CYFIP1: variants seen among roughly 807,000 people sequenced by gnomAD.
CYFIP1 encodes the protein cytoplasmic FMR1-interacting protein 1.
In CYFIP1, 58 loss-of-function variants were observed where a neutral mutation model predicts 163.5. That is an observed-to-expected ratio of 0.35 (90% confidence interval 0.29 to 0.44). The LOEUF is 0.44. Ranked by LOEUF, CYFIP1 falls within the 20% of genes least tolerant of loss-of-function variation. The pLI is 1.00. For synonymous variants in CYFIP1, 663 were observed against 660.7 expected (o/e 1.00, Z -0.05); for missense variants, 1,338 against 1,653.8 (o/e 0.81, Z 3.31).
chr15:22,889,824 TCA>T (rs1342734237), intron 23 of CYFIP1, among the ~76,000 whole-genome samples: 1 of 152,188 alleles, frequency 6.6e-6, no homozygotes, highest in Non-Finnish European at 1.5e-5. Flanking sequence ...ATCTTTTAGT[TCA>T]CAGAGACCCA....
At chr15:22,926,450 T>C (rs1224585509) in intron 12 of CYFIP1, among the ~76,000 whole-genome samples, 1 of 152,102 alleles carries the variant, frequency 6.6e-6, no homozygotes, top group Non-Finnish European at 1.5e-5. Flanking sequence ...GGCAGGAGGA[T>C]CACTTGAGCC....
At chr15:22,881,983 T>C in intron 24 of CYFIP1, 47 bp from the exon 25 acceptor site, 1 of 1,545,598 alleles carries the variant, frequency 6.5e-7, no homozygotes, top group Non-Finnish European at 8.9e-7. Context: ...CACTCCGCTC[T>C]GCTAACGCCT....
rs561047042 is a variant in CYFIP1, at chr15:22,908,837, C to T, written c.2388+357G>A. On this transcript the variant is annotated intron_variant, in intron 21 of 30. Transcript: ENST00000617928. ...AGCCACCGTGCCAGCCAAAGTTAAA[C>T]ATTTTTATCTCCTAGCTCGTTCATA... 2.0e-5 allele frequency among the ~76,000 whole-genome samples: 3 copies of T among 152,260 alleles called. No homozygotes were observed. In the East Asian group the frequency reaches 5.8e-4, roughly 29 times the overall value.
Position 22,870,212 on chromosome 15 carries a change from G to C in CYFIP1, c.3598-20C>G, listed in dbSNP as rs770354558. Reference sequence around the variant, plus strand: ...CAAAGGCTACAACCATCAAAGTGAGGATGTTTTACTATTAACACTTCAACA... The same window carrying C: ...CAAAGGCTACAACCATCAAAGTGAGCATGTTTTACTATTAACACTTCAACA... On this transcript the variant is annotated intron_variant, in intron 30 of 30. Coordinates refer to ENST00000617928, the MANE Select transcript of CYFIP1 (RefSeq NM_014608.6). 6.3e-7 allele frequency: 1 copy of C among 1,594,738 alleles called. No homozygotes were observed. Among genetic ancestry groups the C allele is most frequent in the Non-Finnish European group, 8.5e-7 (1 of 1,172,952 alleles).
chr15:22,974,978 C>T (rs2063217029), intron 1 of CYFIP1, among the ~76,000 whole-genome samples: 1 of 151,918 alleles, frequency 6.6e-6, no homozygotes, highest in African/African-American at 2.4e-5. Flanking sequence ...CTTCCTCCTC[C>T]TTGGCCTGCT....
At chr15:22,979,618 C>T (rs1321775381) in intron 1 of CYFIP1, among the ~76,000 whole-genome samples, 2 of 152,140 alleles carry the variant, frequency 1.3e-5, no homozygotes, top group Non-Finnish European at 2.9e-5. Context: ...ATTCTTGCAC[C>T]CTTCTTGTCA....
At position 22,872,837 on chromosome 15, in the gene CYFIP1, A is replaced by C. The variant is rs761454317; in HGVS notation, c.3585T>G (p.Ile1195Met). 8.1e-6 allele frequency: 13 copies of C among 1,614,100 alleles called. No homozygotes were observed. Among genetic ancestry groups the C allele is most frequent in the Non-Finnish European group, 1.0e-5 (12 of 1,179,950 alleles). Residue 1195 changes from isoleucine to methionine, a missense_variant, in exon 30 of 31, where the codon ATT (isoleucine) becomes ATG (methionine). By Grantham distance (10) the Ile-to-Met change is conservative (BLOSUM62 1). Around this residue, in one of 4 missense-constraint regions of CYFIP1, gnomAD observed 306 missense variants for 322.1 expected, o/e 0.95. Transcript: ENST00000617928. Reference sequence around the variant, plus strand: ...TTCATCCACATACCACATTTTTAATAATCTCATCTTTGCCATCATGTTTCT... The same window carrying C: ...TTCATCCACATACCACATTTTTAATCATCTCATCTTTGCCATCATGTTTCT... ...KVQKHDGKDE[I>M]IKNVPLKKMV... is the part of the protein sequence containing the mutation.
chr15:22,938,140 G>T (rs1233232350), intron 8 of CYFIP1, among the ~76,000 whole-genome samples: 1 of 152,198 alleles, frequency 6.6e-6, no homozygotes, highest in African/African-American at 2.4e-5. Context: ...AAAGGGAACA[G>T]CCGAACTGCC....
At chr15:22,964,744 C>T (rs536778999) in intron 1 of CYFIP1, among the ~76,000 whole-genome samples, 3 of 152,264 alleles carry the variant, frequency 2.0e-5, no homozygotes, top group South Asian at 2.1e-4. Context: ...TTAGAGACGG[C>T]GAAATTGAGG....
intron 13 of CYFIP1, among the ~76,000 whole-genome samples, chr15:22,925,522 T>C (rs770046486): frequency 3.3e-5 from 5 of 152,152 alleles, no homozygotes; most frequent in Non-Finnish European, 7.3e-5. Flanking sequence ...CAATGCAGAA[T>C]ACCTTCACGA....
intron 1 of CYFIP1, among the ~76,000 whole-genome samples, chr15:22,958,914 G>A (rs944822546): frequency 6.6e-5 from 10 of 152,138 alleles, no homozygotes; most frequent in African/African-American, 2.2e-4. Context: ...GCAGAGATGG[G>A]GCCCAGTATT....
chr15:22,918,837 G>A lies in CYFIP1; in HGVS notation c.1381C>T (p.Leu461=), dbSNP rs2142118937. 1 of 1,609,974 alleles carries A rather than the reference G, an allele frequency of 6.2e-7. No individual in the cohort carries two copies. Among genetic ancestry groups the A allele is most frequent in the South Asian group, 1.1e-5 (1 of 90,528 alleles). The change falls in exon 14 of 31, where the codon CTG becomes TTG. Residue 461 remains leucine (L), a synonymous_variant. Transcript: ENST00000617928. ...TCCATCCTGCCCATCAGCACCTGCA[G>A]GCCTTTGATCATGGCGATCACCTGC... The part of the protein sequence containing the change: ...LVEVIAMIKG[L]QVLMGRMESV...
At chr15:22,980,165 G>C (rs2063432188) in intron 1 of CYFIP1, 122 bp downstream of exon 1, 2 of 140,262 alleles carry the variant, frequency 1.4e-5, no homozygotes, top group African/African-American at 5.1e-5. Flanking sequence ...CGCGCCGCCG[G>C]GGTTGGGGGG....
At chr15:22,920,634 G>A (rs1350534291) in intron 13 of CYFIP1, among the ~76,000 whole-genome samples, 1 of 152,112 alleles carries the variant, frequency 6.6e-6, no homozygotes, top group Non-Finnish European at 1.5e-5. Context: ...TTTCCAAATA[G>A]ACTGCTTTCA....
intron 20 of CYFIP1, among the ~76,000 whole-genome samples, chr15:22,909,881 G>C (rs1393519125): frequency 6.6e-6 from 1 of 152,110 alleles, no homozygotes; most frequent in Non-Finnish European, 1.5e-5. Context: ...CTGGCCAGGA[G>C]AAAGTTTTCT....
chr15:22,922,045 G>A (rs376921569), intron 13 of CYFIP1, among the ~76,000 whole-genome samples: 1 of 151,836 alleles, frequency 6.6e-6, no homozygotes, highest in Non-Finnish European at 1.5e-5. Context: ...GTGCAGGAAA[G>A]GGTTAACTCA....
In CYFIP1 at chr15:22,932,277, G is replaced by T; in HGVS notation, c.1056C>A (p.Ile352=). The change falls in exon 11 of 31, where the codon ATC becomes ATA. Residue 352 remains isoleucine (I), a synonymous_variant. Coordinates refer to ENST00000617928, the MANE Select transcript of CYFIP1 (RefSeq NM_014608.6). ...AAATGAAGCGCATGTGGTCCTCGCG[G>T]ATCTGGATCATCTGCTCGCAGATGT... ...QYNICEQMIQ[I]REDHMRFISE... The T allele has an allele frequency of 6.2e-7, 1 of 1,613,370 alleles. No homozygotes were observed. The highest frequency in any genetic ancestry group is 8.5e-7 in the Non-Finnish European group (1 of 1,179,692).
At chr15:22,904,834 A>C (rs1173246461) in intron 21 of CYFIP1, 1 of 152,206 alleles carries the variant, frequency 6.6e-6, no homozygotes, top group African/African-American at 2.4e-5. Context: ...CTAAGGATGA[A>C]TACGCAGGGC....
At chr15:22,931,708 A>AAAAAAAAAAAAAAAAC (rs2061543649) in intron 11 of CYFIP1, among the ~76,000 whole-genome samples, 1 of 149,842 alleles carries the variant, frequency 6.7e-6, no homozygotes, top group Non-Finnish European at 1.5e-5. Context: ...AAAAAAAAAA[A>AAAAAAAAAAAAAAAAC]AAGCTTTTTG....
Sources: allele counts gnomAD v4.1 joint callset (sites outside exome capture counted in the v4.1 genomes callset), GRCh38; gene constraint gnomAD v4.1.1; regional missense constraint gnomAD v4.1.1; transcripts MANE v1.5; gene names NCBI Gene and HGNC (gene_info 2026-07-23, HGNC 2026-07-21).